The following ARID4B variants were observed in gnomAD, a reference collection of about 807,000 sequenced individuals.
The protein encoded by ARID4B is AT-rich interactive domain-containing protein 4B.
Under a neutral mutation model 147.5 loss-of-function variants are expected in ARID4B, and 26 were observed. The ratio of observed to expected loss-of-function variants is 0.18; its 90% CI spans 0.13 to 0.24. The LOEUF (loss-of-function observed/expected upper bound fraction) is 0.24, where lower values mean the gene tolerates loss of function less well. Among genes scored for constraint, ARID4B ranks in the 10% least tolerant of loss-of-function variants. The pLI, the probability that ARID4B is intolerant of heterozygous loss-of-function variation, is 1.00. For synonymous variants in ARID4B, 512 were observed against 507.9 expected (o/e 1.01, Z -0.11); for missense variants, 1,179 against 1,511.5 (o/e 0.78, Z 3.65).
At chr1:235,266,015 G>A (rs980579092) in intron 2 of ARID4B, among the ~76,000 whole-genome samples, 4 of 152,140 alleles carry the variant, frequency 2.6e-5, no homozygotes, top group South Asian at 2.1e-4. Context: ...AAATAGAGCA[G>A]ATGCCAATGT....
intron 3 of ARID4B, among the ~76,000 whole-genome samples, chr1:235,258,429 G>A (rs889390099): frequency 1.3e-5 from 2 of 152,302 alleles, no homozygotes; most frequent in African/African-American, 4.8e-5. Context: ...AATGTAGGCA[G>A]TCTAGTTCCA....
At chr1:235,206,425 C>G (rs1047070159) in intron 17 of ARID4B, among the ~76,000 whole-genome samples, 2 of 151,740 alleles carry the variant, frequency 1.3e-5, no homozygotes, top group African/African-American at 4.8e-5. Flanking sequence ...AATTCAATAT[C>G]AGAATTGTGA....
chr1:235,226,496 G>A (rs1177082703), intron 11 of ARID4B, among the ~76,000 whole-genome samples: 2 of 151,534 alleles, frequency 1.3e-5, no homozygotes, highest in Non-Finnish European at 2.9e-5. Context: ...TAGTAGCTGG[G>A]ATAACAGGCA....
chr1:235,305,687 G>T (rs532264106), intron 2 of ARID4B, among the ~76,000 whole-genome samples: 1 of 152,048 alleles, frequency 6.6e-6, no homozygotes, highest in Non-Finnish European at 1.5e-5. Flanking sequence ...GGCCAGGCAC[G>T]GGGACTCACG....
intron 2 of ARID4B, among the ~76,000 whole-genome samples, chr1:235,316,524 T>C (rs1351166208): frequency 7.2e-6 from 1 of 139,540 alleles, no homozygotes; most frequent in Non-Finnish European, 1.5e-5. Flanking sequence ...AATAATAATA[T>C]ATTTATATAA....
At chr1:235,278,194 G>C (rs1260275017) in intron 2 of ARID4B, among the ~76,000 whole-genome samples, 1 of 152,150 alleles carries the variant, frequency 6.6e-6, no homozygotes, top group Non-Finnish European at 1.5e-5. Context: ...GTTTATATTA[G>C]ATTATCATCA....
Position 235,175,170 on chromosome 1 carries a change from A to C in ARID4B, c.3664+14T>G, listed in dbSNP as rs756987619. ...ATGAAGTTTGTATGCTTGTCAATTTAACATGTCACTTACACATCTGAAAAC... is the reference window on the plus strand; with the variant it reads ...ATGAAGTTTGTATGCTTGTCAATTTCACATGTCACTTACACATCTGAAAAC... On this transcript the variant is annotated intron_variant, in intron 22 of 23. Coordinates refer to ENST00000264183, the MANE Select transcript of ARID4B (RefSeq NM_016374.6). 1 of 1,602,984 alleles carries C rather than the reference A, an allele frequency of 6.2e-7. No individual in the cohort carries two copies. Among genetic ancestry groups the C allele is most frequent in the Non-Finnish European group, 8.5e-7 (1 of 1,170,236 alleles).
At chr1:235,306,616 T>C (rs1169427540) in intron 2 of ARID4B, among the ~76,000 whole-genome samples, 6 of 152,188 alleles carry the variant, frequency 3.9e-5, no homozygotes, top group Non-Finnish European at 8.8e-5. Context: ...ACATTCCAAA[T>C]GTGAATATAT....
intron 17 of ARID4B, among the ~76,000 whole-genome samples, chr1:235,202,404 A>T (rs945509577): frequency 3.3e-4 from 50 of 151,770 alleles, no homozygotes; most frequent in African/African-American, 1.2e-3. Context: ...TCCAAGGTAT[A>T]TATATGACTT....
rs757335300 is a variant in ARID4B, at chr1:235,220,421, CCTT to C, written c.1285_1287del (p.Lys429del). On this transcript the variant is annotated inframe_deletion, in exon 15 of 24. Transcript: ENST00000264183. ...TCTTTGATCTCTGTTTCATTTTCCT[CCTT>C]AACTTTTATTTCTTTTACATTTTCA... The C allele has an allele frequency of 6.2e-5, 100 of 1,612,640 alleles. No individual in the cohort carries two copies. Among genetic ancestry groups the C allele is most frequent in the Non-Finnish European group, 8.1e-5 (95 of 1,178,968 alleles).
intron 3 of ARID4B, among the ~76,000 whole-genome samples, chr1:235,258,121 C>T (rs1405954886): frequency 1.3e-5 from 2 of 152,124 alleles, no homozygotes; most frequent in African/African-American, 2.4e-5. Flanking sequence ...CACCTGAGAT[C>T]AGGAGATGGG....
At chr1:235,237,940 CA>C (rs1668714809) in intron 8 of ARID4B, among the ~76,000 whole-genome samples, 1 of 151,978 alleles carries the variant, frequency 6.6e-6, no homozygotes, top group South Asian at 2.1e-4. Context: ...CACCTGAGGT[CA>C]GGAGTTGGAG....
intron 13 of ARID4B, among the ~76,000 whole-genome samples, chr1:235,222,599 T>G (rs532589731): frequency 6.6e-6 from 1 of 151,944 alleles, no homozygotes; most frequent in Non-Finnish European, 1.5e-5. Context: ...ATGGCTGTGC[T>G]GTGACTCAGA....
chr1:235,190,636 A>G (rs556737878), intron 19 of ARID4B, among the ~76,000 whole-genome samples: 13 of 152,212 alleles, frequency 8.5e-5, no homozygotes, highest in South Asian at 2.1e-4. Flanking sequence ...CAGCCAAACT[A>G]TGAATAGAAT....
intron 10 of ARID4B, among the ~76,000 whole-genome samples, chr1:235,229,967 A>G (rs1008266903): frequency 6.6e-6 from 1 of 152,270 alleles, no homozygotes; most frequent in African/African-American, 2.4e-5. Flanking sequence ...ATAGCATATT[A>G]CTGAATTCAA....
At chr1:235,319,557 T>C (rs1444259811) in intron 2 of ARID4B, among the ~76,000 whole-genome samples, 1 of 152,084 alleles carries the variant, frequency 6.6e-6, no homozygotes, top group Non-Finnish European at 1.5e-5. Context: ...GTGAATTATA[T>C]CTCATTTTTT....
chr1:235,242,235 G>A (rs548419331), intron 7 of ARID4B, among the ~76,000 whole-genome samples: 5 of 139,634 alleles, frequency 3.6e-5, no homozygotes, highest in African/African-American at 1.3e-4. Context: ...GCGACAGAGT[G>A]AGACTCCGTC....
chr1:235,297,675 A>G (rs1172147229), intron 2 of ARID4B, among the ~76,000 whole-genome samples: 3 of 152,178 alleles, frequency 2.0e-5, no homozygotes, highest in African/African-American at 4.8e-5. Context: ...GATGGTAACT[A>G]ATAGAAAGAA....
chr1:235,211,861 A>T (rs1666739548), intron 17 of ARID4B, among the ~76,000 whole-genome samples: 1 of 152,228 alleles, frequency 6.6e-6, no homozygotes, highest in African/African-American at 2.4e-5. Flanking sequence ...AGAAGTAAAA[A>T]ATTGGGCAAA....
Sources: allele counts gnomAD v4.1 joint callset (sites outside exome capture counted in the v4.1 genomes callset), GRCh38; gene constraint gnomAD v4.1.1; transcripts MANE v1.5; gene names NCBI Gene and HGNC (gene_info 2026-07-23, HGNC 2026-07-21).